Variants in SNX29 observed in about 807,000 individuals in gnomAD.
SNX29 encodes the protein sorting nexin 29, also known as sorting nexin-29.
A neutral mutation model predicts 102.1 loss-of-function variants in SNX29; 78 were observed. The ratio of observed to expected loss-of-function variants is 0.76; its 90% CI spans 0.64 to 0.92. The LOEUF is 0.92. SNX29 is among the 40% of genes least tolerant of loss of function. The probability of loss-of-function intolerance (pLI) is 0.00; values close to 1 mark genes in which losing one functional copy is unlikely to be tolerated. For synonymous variants in SNX29, 580 were observed against 414.5 expected, an observed-to-expected ratio of 1.40 and a Z score of -4.85; for missense variants, 1,280 against 1,061.7, an observed-to-expected ratio of 1.21 and a Z score of -2.86.
At chr16:12,107,625 G>C (rs1348469284) in intron 11 of SNX29, among the ~76,000 whole-genome samples, 1 of 152,134 alleles carries the variant, frequency 6.6e-6, no homozygotes, top group Non-Finnish European at 1.5e-5. Flanking sequence ...AACAGAGTGA[G>C]ACTCTGCCTC....
rs1001317256 is a variant in SNX29, at chr16:12,451,591, C to T, written c.2038-26128C>T. Among the ~76,000 whole-genome samples the T allele has an allele frequency of 4.6e-5, 7 of 152,140 alleles. No individual in the cohort carries two copies. In the South Asian group the frequency reaches 8.3e-4, roughly 18 times the overall value. ...TTCAAGAAACGGATGGGGCCGGGTG[C>T]GGTGGCTCACGCCTGTAATCCCAGC... On this transcript the variant is annotated intron_variant, in intron 18 of 20. Coordinates refer to ENST00000566228, the MANE Select transcript of SNX29 (RefSeq NM_032167.5).
rs376706623 is a variant in SNX29, at chr16:12,472,084, T to C, written c.2038-5635T>C. Among the ~76,000 whole-genome samples the C allele has an allele frequency of 1.1e-3, 164 of 152,334 alleles. 6 individuals carry two copies. The South Asian group carries it at 0.031, about 29-fold the overall frequency. Reference sequence around the variant, plus strand: ...ACAGGTGGATACAAACAGGGAAATATTCATACAGTGGAATACTATTCATTA... The same window carrying C: ...ACAGGTGGATACAAACAGGGAAATACTCATACAGTGGAATACTATTCATTA... On this transcript the variant is annotated intron_variant, in intron 18 of 20. Coordinates refer to ENST00000566228, the MANE Select transcript of SNX29 (RefSeq NM_032167.5).
chr16:12,145,648 C>T (rs1047309979), intron 13 of SNX29, among the ~76,000 whole-genome samples: 2 of 152,096 alleles, frequency 1.3e-5, no homozygotes, highest in Non-Finnish European at 2.9e-5. Flanking sequence ...TATTTTTATG[C>T]ATATATGTAT....
At position 12,278,004 on chromosome 16, in the gene SNX29, C is replaced by G. The variant is rs1211711838; in HGVS notation, c.1750C>G (p.Leu584Val). Reference sequence around the variant, plus strand: ...GAAGCCGGGAGAAATTGCTGAAGAACTCGCAAGCTCCTACGAAAGAAAGCT... The same window carrying G: ...GAAGCCGGGAGAAATTGCTGAAGAAGTCGCAAGCTCCTACGAAAGAAAGCT... ...EQKPGEIAEE[L>V]ASSYERKLIE... The change falls in exon 15 of 21, where the codon CTC becomes GTC. Residue 584 changes from leucine to valine, a missense_variant. Coordinates refer to ENST00000566228, the MANE Select transcript of SNX29 (RefSeq NM_032167.5). The G allele has an allele frequency of 2.5e-6, 4 of 1,605,890 alleles. No individual in the cohort carries two copies. The highest frequency in any genetic ancestry group is 3.4e-6 in the Non-Finnish European group (4 of 1,176,128).
chr16:12,500,090 T>G (rs995513273), intron 19 of SNX29, among the ~76,000 whole-genome samples: 14 of 152,110 alleles, frequency 9.2e-5, no homozygotes, highest in African/African-American at 3.4e-4. Flanking sequence ...CTCCTGGGCT[T>G]AAGGGATCCT....
chr16:12,389,697 G>T (rs1030790564), intron 16 of SNX29, among the ~76,000 whole-genome samples: 2 of 152,226 alleles, frequency 1.3e-5, no homozygotes, highest in Non-Finnish European at 2.9e-5. Context: ...CAACTCAGTA[G>T]GGGTAATGGG....
chr16:12,274,042 T>C (rs1003341177), intron 14 of SNX29, among the ~76,000 whole-genome samples: 1 of 152,202 alleles, frequency 6.6e-6, no homozygotes, highest in Non-Finnish European at 1.5e-5. Context: ...TCTGGCTCCC[T>C]TTTGTGTTGC....
intron 11 of SNX29, among the ~76,000 whole-genome samples, chr16:12,089,123 AG>A (rs2052369835): frequency 1.1e-5 from 1 of 89,818 alleles, no homozygotes; most frequent in Non-Finnish European, 2.3e-5. Context: ...AGAGAGAGAG[AG>A]AAAAGAGAGA....
chr16:12,448,531 G>A (rs1033150777), intron 18 of SNX29, among the ~76,000 whole-genome samples: 16 of 151,220 alleles, frequency 1.1e-4, no homozygotes, highest in Admixed American at 9.9e-4. Context: ...ATTTTTCATG[G>A]TGACACCTCC....
chr16:12,381,570 A>T (rs1363263250), intron 16 of SNX29, among the ~76,000 whole-genome samples: 57 of 29,466 alleles, frequency 1.9e-3, no homozygotes, highest in Non-Finnish European at 3.2e-3. Context: ...CCACCCACCC[A>T]TCATCCACCC....
chr16:12,568,074 A>C (rs1490775664), intron 20 of SNX29, among the ~76,000 whole-genome samples: 2 of 152,170 alleles, frequency 1.3e-5, no homozygotes, highest in Non-Finnish European at 2.9e-5. Flanking sequence ...TTAATTCCAC[A>C]GGAAGTCCGT....
At chr16:12,138,242 C>T (rs168414) in intron 13 of SNX29, among the ~76,000 whole-genome samples, 1 of 142,548 alleles carries the variant, frequency 7.0e-6, no homozygotes, top group Non-Finnish European at 1.5e-5. Flanking sequence ...GAGTCTCACT[C>T]TGTCTCCCAG....
chr16:12,282,057 C>T (rs528910568), intron 15 of SNX29, among the ~76,000 whole-genome samples: 45 of 126,910 alleles, frequency 3.5e-4, no homozygotes, highest in African/African-American at 1.3e-3. Context: ...GCACTCCAAC[C>T]TGGGCGACAG....
At chr16:12,056,036 TATA>T (rs2050507285) in intron 8 of SNX29, among the ~76,000 whole-genome samples, 1 of 151,982 alleles carries the variant, frequency 6.6e-6, no homozygotes, top group African/African-American at 2.4e-5. Context: ...AGTGTGCCAC[TATA>T]CCCGGCTAAT....
At chr16:12,567,809 C>T (rs1050056050) in intron 20 of SNX29, among the ~76,000 whole-genome samples, 1 of 152,170 alleles carries the variant, frequency 6.6e-6, no homozygotes. Flanking sequence ...GGACTTCCTG[C>T]TGAGCACCCT....
intron 16 of SNX29, among the ~76,000 whole-genome samples, chr16:12,377,986 G>A (rs1312670291): frequency 6.6e-6 from 1 of 152,182 alleles, no homozygotes; most frequent in African/African-American, 2.4e-5. Context: ...AGGCCTTTGG[G>A]ATCATGGTTT....
At chr16:12,079,005 CTG>C in intron 11 of SNX29, 90 bp downstream of exon 11, 1 of 1,180,848 alleles carries the variant, frequency 8.5e-7, no homozygotes, top group Non-Finnish European at 1.2e-6. Flanking sequence ...AACCCTGTGA[CTG>C]TGGGTTCACG....
chr16:12,524,559 C>G, intron 19 of SNX29, 143 bp from the exon 20 acceptor site: 1 of 864,120 alleles, frequency 1.2e-6, no homozygotes. Context: ...CATGTAAGGG[C>G]TTAGGGACCA....
At chr16:12,554,732 TTTGC>T (rs2078216698) in intron 20 of SNX29, among the ~76,000 whole-genome samples, 1 of 152,138 alleles carries the variant, frequency 6.6e-6, no homozygotes, top group Admixed American at 6.5e-5. Context: ...AGTCTTTCAG[TTTGC>T]ATTTTCCTTA....
Sources: gnomAD v4.1 joint callset for allele counts (sites outside exome capture counted in the v4.1 genomes callset) on GRCh38, gnomAD v4.1.1 for gene constraint, MANE v1.5 for transcripts, NCBI Gene and HGNC (gene_info 2026-07-23, HGNC 2026-07-21) for gene names.